The following WRN variants were observed in gnomAD, a reference collection of about 807,000 sequenced individuals.
WRN encodes WRN RecQ like helicase, also known as bifunctional 3'-5' exonuclease/ATP-dependent helicase WRN.
WRN carries 149 observed loss-of-function variants against 180.7 expected under a neutral mutation model. The observed-to-expected ratio is 0.82, with a 90% confidence interval of 0.72 to 0.94. WRN has a LOEUF of 0.94. Ranked by LOEUF, WRN falls within the 40% of genes least tolerant of loss-of-function variation. The pLI, the probability that WRN is intolerant of heterozygous loss-of-function variation, is 0.00. For missense variants in WRN, 1,661 were observed against 1,700.1 expected (o/e 0.98, Z 0.40); for synonymous variants, 548 against 568.9 (o/e 0.96, Z 0.52).
intron 7 of WRN, among the ~76,000 whole-genome samples, chr8:31,072,279 A>C (rs899843299): frequency 1.3e-5 from 2 of 152,276 alleles, no homozygotes; most frequent in African/African-American, 2.4e-5. Context: ...CTTAGAATTC[A>C]TCATTAGATT....
chr8:31,083,603 G>C, intron 9 of WRN, 96 bp from the exon 10 acceptor site: 1 of 887,362 alleles, frequency 1.1e-6, no homozygotes, highest in African/African-American at 1.6e-5. Flanking sequence ...AGAGGAAGTT[G>C]TCTAAAGATA....
chr8:31,084,958 T>C (rs1813467473), intron 10 of WRN, among the ~76,000 whole-genome samples: 1 of 152,066 alleles, frequency 6.6e-6, no homozygotes, highest in South Asian at 2.1e-4. Flanking sequence ...TCCTATTTCT[T>C]TCTTTCTCTT....
intron 19 of WRN, among the ~76,000 whole-genome samples, chr8:31,113,409 AAGAAT>A (rs1801394807): frequency 6.6e-6 from 1 of 152,196 alleles, no homozygotes; most frequent in Non-Finnish European, 1.5e-5. Flanking sequence ...AGAATAAAAC[AAGAAT>A]GGATCGAATA....
At chr8:31,069,586 G>A (rs776607569) in intron 7 of WRN, among the ~76,000 whole-genome samples, 9 of 152,218 alleles carry the variant, frequency 5.9e-5, no homozygotes, top group East Asian at 1.9e-4. Flanking sequence ...TAAGAAATCC[G>A]GAGATGATTT....
intron 17 of WRN, among the ~76,000 whole-genome samples, chr8:31,097,690 G>T (rs1814046213): frequency 1.3e-5 from 2 of 152,086 alleles, no homozygotes; most frequent in Non-Finnish European, 2.9e-5. Flanking sequence ...GAGGTAGGAG[G>T]ATTGTTTGAG....
chr8:31,144,188 A>G (rs1235518880), intron 28 of WRN, among the ~76,000 whole-genome samples: 2 of 152,058 alleles, frequency 1.3e-5, no homozygotes, highest in African/African-American at 4.8e-5. Context: ...TTCCAATAGC[A>G]TGTTCTGTTG....
chr8:31,106,982 A>C (rs1801122380), intron 18 of WRN, among the ~76,000 whole-genome samples: 1 of 152,190 alleles, frequency 6.6e-6, no homozygotes, highest in South Asian at 2.1e-4. Flanking sequence ...TTGGGCCATA[A>C]ATAGCTGCAC....
intron 1 of WRN, among the ~76,000 whole-genome samples, chr8:31,051,416 A>G (rs932606015): frequency 6.6e-6 from 1 of 152,180 alleles, no homozygotes; most frequent in Non-Finnish European, 1.5e-5. Flanking sequence ...TTCTTAGCTA[A>G]TTTGGAATGT....
At chr8:31,125,972 AT>A in intron 23 of WRN, among the ~76,000 whole-genome samples, 1 of 3,512 alleles carries the variant, frequency 2.8e-4, no homozygotes, top group East Asian at 6.9e-3. Context: ...ATCATCCTAA[AT>A]ATATATATAT....
chr8:31,143,088 T>C (rs1363517009), intron 27 of WRN, among the ~76,000 whole-genome samples: 5 of 133,928 alleles, frequency 3.7e-5, no homozygotes, highest in South Asian at 2.4e-4. Flanking sequence ...CACACACACA[T>C]GCACACACAC....
chr8:31,120,249 A>T lies in WRN; in HGVS notation c.2455A>T (p.Ile819Leu), dbSNP rs1318783357. 6.2e-7 allele frequency: 1 copy of T among 1,612,624 alleles called. No individual in the cohort carries two copies. Among genetic ancestry groups the T allele is most frequent in the Non-Finnish European group, 8.5e-7 (1 of 1,178,800 alleles). ...TGTTGTGATTTGTTCTCAGTGTGTC[A>T]TAGCTACCATAGCTTTTGGAATGGG... The part of the protein sequence containing the change: ...RFVRDEIQCV[I>L]ATIAFGMGIN... The change falls in exon 21 of 35, where the codon ATA becomes TTA. Residue 819 changes from isoleucine (I) to leucine (L), a missense_variant. Physicochemically the swap from Ile to Leu is conservative, Grantham distance 5 (BLOSUM62 2). Around this residue, in one of 3 missense-constraint regions of WRN, gnomAD observed 1,141 missense variants for 1,149.4 expected, o/e 0.99. Coordinates refer to ENST00000298139, the MANE Select transcript of WRN (RefSeq NM_000553.6).
At chr8:31,049,356 A>T (rs1811999911) in intron 1 of WRN, among the ~76,000 whole-genome samples, 1 of 150,378 alleles carries the variant, frequency 6.6e-6, no homozygotes, top group Admixed American at 6.7e-5. Flanking sequence ...ACATGGTGAA[A>T]CTCCATTTCT....
At chr8:31,147,937 G>C (rs976038818) in intron 30 of WRN, among the ~76,000 whole-genome samples, 9 of 147,956 alleles carry the variant, frequency 6.1e-5, no homozygotes, top group Non-Finnish European at 1.0e-4. Context: ...GCCCAGGCTG[G>C]AGTGTAGTGG....
At position 31,149,455 on chromosome 8, in the gene WRN, G is replaced by GTTTTTTTTTTT. The variant is rs71208105; in HGVS notation, c.3573-860_3573-850dup. Among the ~76,000 whole-genome samples the GTTTTTTTTTTT allele has an allele frequency of 1.7e-4, 9 of 51,970 alleles. 2 individuals carry two copies. The highest frequency in any genetic ancestry group is 6.9e-4 in the African/African-American group (9 of 13,000). 34.1% of individuals were successfully genotyped at this position (51,970 alleles called of 152,430 possible). A position where few individuals can be genotyped will look rare whatever the true frequency, so the allele number is the denominator to read the frequency against. ...TCTAAGACCATACTTTAATAGAGGTGTTTTTTTTTTTTTTTTTTTTTTTTT... is the reference window on the plus strand; with the variant it reads ...TCTAAGACCATACTTTAATAGAGGTGTTTTTTTTTTTTTTTTTTTTTTTTTTTTTTTTTTTT... On this transcript the variant is annotated intron_variant, in intron 30 of 34. Coordinates refer to ENST00000298139, the MANE Select transcript of WRN (RefSeq NM_000553.6).
chr8:31,112,191 C>T (rs948492843), intron 19 of WRN, among the ~76,000 whole-genome samples: 1 of 152,144 alleles, frequency 6.6e-6, no homozygotes, highest in East Asian at 1.9e-4. Context: ...CCTCCTGCCT[C>T]AGTCTCCCAA....
rs1563370889 is a variant in WRN at position 31,132,447 on chromosome 8, G to A, written c.2908G>A (p.Val970Met). Reference sequence around the variant, plus strand: ...ACAAGCATTTAAGCTTTTGTCTGCTGTGGACATCTTAGGCGAAAAATTTGG... The same window carrying A: ...ACAAGCATTTAAGCTTTTGTCTGCTATGGACATCTTAGGCGAAAAATTTGG... Reference protein sequence around the residue: ...GPQAFKLLSAVDILGEKFGIG... With the variant: ...GPQAFKLLSAMDILGEKFGIG... Residue 970 changes from valine to methionine, a missense_variant, in exon 24 of 35, where the codon GTG becomes ATG. Transcript: ENST00000298139. 6.2e-7 allele frequency: 1 copy of A among 1,614,150 alleles called. No individual in the cohort carries two copies. Among genetic ancestry groups the A allele is most frequent in the Non-Finnish European group, 8.5e-7 (1 of 1,180,012 alleles).
At chr8:31,088,321 G>A (rs1351246397) in intron 12 of WRN, among the ~76,000 whole-genome samples, 1 of 152,072 alleles carries the variant, frequency 6.6e-6, no homozygotes, top group Non-Finnish European at 1.5e-5. Context: ...AAAGTGACTT[G>A]GGTAGAGCTA....
chr8:31,071,513 ACT>A (rs1209056642), intron 7 of WRN, among the ~76,000 whole-genome samples: 3 of 151,856 alleles, frequency 2.0e-5, no homozygotes, highest in Non-Finnish European at 1.5e-5. Flanking sequence ...TTTGAGTCTC[ACT>A]CTGTCACCCA....
chr8:31,110,095 C>T lies in WRN; in HGVS notation c.2089-1520C>T, dbSNP rs574191385. ...TTATATAAATTATTTAACCAAAACA[C>T]TTAACCGGTGAAAGTGCTTTACTGT... is the stretch of plus-strand genomic sequence containing the variant. On this transcript the variant is annotated intron_variant, in intron 18 of 34. Transcript: ENST00000298139. Among the ~76,000 whole-genome samples, 200 of 127,554 alleles carry T rather than the reference C, an allele frequency of 1.6e-3. 1 individual carries two copies. The highest frequency in any genetic ancestry group is 7.5e-3 in the Middle Eastern group (2 of 266). 83.7% of individuals were successfully genotyped at this position (127,554 alleles called of 152,430 possible). A position where few individuals can be genotyped will look rare whatever the true frequency, so the allele number is the denominator to read the frequency against.
Sources: allele counts gnomAD v4.1 joint callset (sites outside exome capture counted in the v4.1 genomes callset), GRCh38; gene constraint gnomAD v4.1.1; regional missense constraint gnomAD v4.1.1; transcripts MANE v1.5; gene names NCBI Gene and HGNC (gene_info 2026-07-23, HGNC 2026-07-21).